KCNQ3: variants seen among roughly 807,000 people sequenced by gnomAD.
KCNQ3 encodes the protein potassium voltage-gated channel subfamily KQT member 3.
KCNQ3 carries 30 observed loss-of-function variants against 92.5 expected under a neutral mutation model. That is an observed-to-expected ratio of 0.32 (90% CI 0.24 to 0.44). The LOEUF is 0.44. Among genes scored for constraint, KCNQ3 ranks in the 20% least tolerant of loss-of-function variants. KCNQ3 has a pLI of 1.00. For missense variants in KCNQ3, 913 were observed against 1,140.3 expected (o/e 0.80, Z 2.87); for synonymous variants, 450 against 468.8 (o/e 0.96, Z 0.52).
intron 1 of KCNQ3, among the ~76,000 whole-genome samples, chr8:132,258,545 A>G (rs80286796): frequency 0.013 from 1,963 of 152,186 alleles, 48 homozygotes; most frequent in African/African-American, 0.045. Flanking sequence ...GTAAATGTCT[A>G]TATTCACAAA....
chr8:132,315,679 T>C (rs924265587), intron 1 of KCNQ3, among the ~76,000 whole-genome samples: 4 of 152,212 alleles, frequency 2.6e-5, no homozygotes, highest in African/African-American at 9.7e-5. Flanking sequence ...CAGTTTCTGT[T>C]TGTTTTTCCT....
intron 9 of KCNQ3, among the ~76,000 whole-genome samples, chr8:132,150,400 T>C (rs771161798): frequency 3.3e-5 from 5 of 152,190 alleles, no homozygotes; most frequent in African/African-American, 9.7e-5. Context: ...GTTGATTCCC[T>C]TACCCTCCAC....
chr8:132,355,400 A>G (rs573436730), intron 1 of KCNQ3, among the ~76,000 whole-genome samples: 1 of 152,046 alleles, frequency 6.6e-6, no homozygotes, highest in South Asian at 2.1e-4. Context: ...TCCCTCCGTT[A>G]TCTGTCCAGG....
chr8:132,222,687 C>T (rs1318487069), intron 1 of KCNQ3, among the ~76,000 whole-genome samples: 1 of 152,066 alleles, frequency 6.6e-6, no homozygotes, highest in Non-Finnish European at 1.5e-5. Flanking sequence ...TGTAGAGGAG[C>T]TTAAAATCAG....
chr8:132,122,102 G>A lies in KCNQ3; in HGVS notation c.*7160C>T, dbSNP rs540843884. The stretch of plus-strand genomic sequence containing the variant: ...TAGGGCCTGATTTGAGAGGAAGAAG[G>A]GGGAGAGAGAATGAGCTTTCCAGGT... On this transcript the variant is annotated 3_prime_UTR_variant, in exon 15 of 15. Coordinates refer to ENST00000388996, the MANE Select transcript of KCNQ3 (RefSeq NM_004519.4). 2.0e-5 allele frequency: 3 copies of A among 152,178 alleles called. No individual in the cohort carries two copies. The highest frequency in any genetic ancestry group is 7.2e-5 in the African/African-American group (3 of 41,428). 9.4% of individuals were successfully genotyped at this position (152,178 alleles called of 1,614,324 possible).
At chr8:132,466,443 C>T (rs1334208786) in intron 1 of KCNQ3, among the ~76,000 whole-genome samples, 2 of 152,134 alleles carry the variant, frequency 1.3e-5, no homozygotes, top group Non-Finnish European at 2.9e-5. Flanking sequence ...CTAAATGTGG[C>T]ATGTTTGTCT....
At position 132,172,682 on chromosome 8, in the gene KCNQ3, C is replaced by T. The variant is rs758522184; in HGVS notation, c.1056G>A (p.Gly352=). 9 of 1,613,368 alleles carry T rather than the reference C, an allele frequency of 5.6e-6. No homozygotes were observed. The highest frequency in any genetic ancestry group is 1.7e-5 in the Admixed American group (1 of 60,028). Residue 352 remains glycine (G), a synonymous_variant, in exon 7 of 15, where the codon GGG becomes GGA. Transcript: ENST00000388996. ...CCTGCACCTTGAGGGCCAGCCCGGA[C>T]CCCAGGATGCCCTGGAGGGAGAGGC... ...SFFALPAGIL[G]SGLALKVQEQ... is the part of the protein sequence containing the mutation.
chr8:132,273,245 TAAGTG>T (rs1816215972), intron 1 of KCNQ3, among the ~76,000 whole-genome samples: 1 of 152,244 alleles, frequency 6.6e-6, no homozygotes, highest in African/African-American at 2.4e-5. Flanking sequence ...CTCTGAAATC[TAAGTG>T]GAGGTTTACA....
chr8:132,134,495 A>AAGAGGAGAGG (rs769666056), intron 12 of KCNQ3, 107 bp from the exon 13 acceptor site: 3 of 791,116 alleles, frequency 3.8e-6, no homozygotes, highest in Non-Finnish European at 2.1e-6. Flanking sequence ...TGGAATATAT[A>AAGAGGAGAGG]AGAGGAGAGG....
chr8:132,401,792 C>A (rs112690267), intron 1 of KCNQ3, among the ~76,000 whole-genome samples: 1 of 152,218 alleles, frequency 6.6e-6, no homozygotes, highest in East Asian at 1.9e-4. Flanking sequence ...TGATGCAAAA[C>A]GAAATACTTG....
At chr8:132,147,107 A>G (rs149878160) in intron 9 of KCNQ3, among the ~76,000 whole-genome samples, 45 of 152,352 alleles carry the variant, frequency 3.0e-4, no homozygotes, top group African/African-American at 1.1e-3. Context: ...AGAGACTGAA[A>G]AGGAAGCCAC....
At chr8:132,231,485 A>G (rs537137136) in intron 1 of KCNQ3, among the ~76,000 whole-genome samples, 1 of 152,330 alleles carries the variant, frequency 6.6e-6, no homozygotes, top group Non-Finnish European at 1.5e-5. Context: ...ATTAGGGTTA[A>G]ATAAAGACAC....
Position 132,480,310 on chromosome 8 carries a change from C to G in KCNQ3, c.223G>C (p.Asp75His). The G allele has an allele frequency of 2.5e-6, 4 of 1,601,646 alleles. No individual in the cohort carries two copies. Among genetic ancestry groups the G allele is most frequent in the Non-Finnish European group, 3.4e-6 (4 of 1,174,888 alleles). ...TGCGGGGTCCTCCGCTGCCCCTCGT[C>G]GCGGCCGCCGCCCTCCAGCAGCAGG... ...GTLLLEGGGR[D>H]EGQRRTPQGI... Residue 75 changes from aspartate to histidine, a missense_variant, in exon 1 of 15, where the codon GAC (aspartate) becomes CAC (histidine). This residue lies in a region of KCNQ3 where 183 missense variants were observed against 167.7 expected (regional missense o/e 1.09). Transcript: ENST00000388996.
At chr8:132,156,207 A>G (rs1050265009) in intron 9 of KCNQ3, among the ~76,000 whole-genome samples, 6 of 151,778 alleles carry the variant, frequency 4.0e-5, no homozygotes. Flanking sequence ...TCATGTCTTG[A>G]AGAGAGCATT....
chr8:132,478,274 A>G (rs1822459851), intron 1 of KCNQ3, among the ~76,000 whole-genome samples: 1 of 152,130 alleles, frequency 6.6e-6, no homozygotes, highest in African/African-American at 2.4e-5. Context: ...CCTTCCCCAG[A>G]CTGGACAAGG....
chr8:132,143,099 A>T (rs977414590), intron 9 of KCNQ3, among the ~76,000 whole-genome samples: 1 of 152,160 alleles, frequency 6.6e-6, no homozygotes, highest in Non-Finnish European at 1.5e-5. Flanking sequence ...GTTATTCCTG[A>T]CTTCCTCTGG....
At chr8:132,304,328 T>A (rs149392646) in intron 1 of KCNQ3, among the ~76,000 whole-genome samples, 27 of 152,276 alleles carry the variant, frequency 1.8e-4, no homozygotes, top group African/African-American at 6.5e-4. Flanking sequence ...TAAAATAAAA[T>A]GTGGTATAGC....
intron 1 of KCNQ3, among the ~76,000 whole-genome samples, chr8:132,303,410 T>TA (rs1817285922): frequency 6.6e-6 from 1 of 150,810 alleles, no homozygotes; most frequent in Non-Finnish European, 1.5e-5. Context: ...TACCAAATGT[T>TA]ACGACATTCA....
intron 1 of KCNQ3, among the ~76,000 whole-genome samples, chr8:132,453,555 T>C (rs1470699524): frequency 6.6e-6 from 1 of 152,182 alleles, no homozygotes; most frequent in Non-Finnish European, 1.5e-5. Context: ...AGGCTCCTTC[T>C]AGGCGGGTGG....
Sources: allele counts gnomAD v4.1 joint callset (sites outside exome capture counted in the v4.1 genomes callset), GRCh38; gene constraint gnomAD v4.1.1; regional missense constraint gnomAD v4.1.1; transcripts MANE v1.5; gene names NCBI Gene and HGNC (gene_info 2026-07-23, HGNC 2026-07-21).